SLC2A13: variants seen among roughly 807,000 people sequenced by gnomAD.
SLC2A13 encodes the protein proton myo-inositol cotransporter.
A neutral mutation model predicts 64.4 loss-of-function variants in SLC2A13; 32 were observed. That is an observed-to-expected ratio of 0.50 (90% CI 0.37 to 0.67). The LOEUF (loss-of-function observed/expected upper bound fraction) is 0.67. Among genes scored for constraint, SLC2A13 ranks in the 30% least tolerant of loss-of-function variants. SLC2A13 has a pLI of 0.00. For missense variants in SLC2A13, 743 were observed against 829.2 expected (o/e 0.90, Z 1.28); for synonymous variants, 338 against 327.1 (o/e 1.03, Z -0.36).
chr12:39,850,493 G>A (rs192576460), intron 6 of SLC2A13, among the ~76,000 whole-genome samples: 14 of 152,094 alleles, frequency 9.2e-5, no homozygotes, highest in Non-Finnish European at 2.9e-5. Flanking sequence ...GGATGCTTAG[G>A]TTTCTGAATT....
intron 3 of SLC2A13, among the ~76,000 whole-genome samples, chr12:40,009,602 T>TA (rs1409889327): frequency 6.6e-6 from 1 of 152,112 alleles, no homozygotes; most frequent in Admixed American, 6.5e-5. Flanking sequence ...GCCAATTTTT[T>TA]AAAAAACTTT....
chr12:40,083,132 C>G (rs1338114309), intron 1 of SLC2A13, among the ~76,000 whole-genome samples: 1 of 152,090 alleles, frequency 6.6e-6, no homozygotes, highest in Non-Finnish European at 1.5e-5. Flanking sequence ...TGTGTAGTAC[C>G]TTATGTCACA....
intron 4 of SLC2A13, among the ~76,000 whole-genome samples, chr12:39,883,176 A>C (rs1944386180): frequency 6.6e-6 from 1 of 152,222 alleles, no homozygotes; most frequent in Non-Finnish European, 1.5e-5. Flanking sequence ...AGTAACGCTC[A>C]TAAGAAAGCA....
chr12:39,956,755 T>TTTTA (rs1019379413), intron 3 of SLC2A13, among the ~76,000 whole-genome samples: 1 of 152,172 alleles, frequency 6.6e-6, no homozygotes, highest in Non-Finnish European at 1.5e-5. Context: ...TTTCTTTTTG[T>TTTTA]TTTATTTATT....
chr12:39,974,819 G>A (rs1273362100), intron 3 of SLC2A13, among the ~76,000 whole-genome samples: 1 of 152,112 alleles, frequency 6.6e-6, no homozygotes, highest in Non-Finnish European at 1.5e-5. Flanking sequence ...CCCCTTACAT[G>A]TTTACACCTT....
At chr12:39,779,878 G>T (rs958575435) in intron 7 of SLC2A13, among the ~76,000 whole-genome samples, 1 of 152,202 alleles carries the variant, frequency 6.6e-6, no homozygotes. Flanking sequence ...TCTCTGGCTC[G>T]TGTTTATCTG....
rs931332105 is a variant in SLC2A13, at chr12:40,078,435, A to G, written c.556+26818T>C. Among the ~76,000 whole-genome samples, 5 of 152,004 alleles carry G rather than the reference A, an allele frequency of 3.3e-5. No homozygotes were observed. The South Asian group carries it at 1.0e-3, about 32-fold the overall frequency. On this transcript the variant is annotated intron_variant, in intron 1 of 9. Transcript: ENST00000280871. ...ATGTGGTTTTCAGTTTTATGTGATA[A>G]ATCACATAGATTTCCATATGTTGAA...
intron 6 of SLC2A13, among the ~76,000 whole-genome samples, chr12:39,838,415 G>A (rs1304488463): frequency 9.6e-5 from 14 of 146,050 alleles, no homozygotes; most frequent in African/African-American, 3.6e-4. Context: ...TGGGTGCAGC[G>A]CACCAGCATG....
intron 3 of SLC2A13, among the ~76,000 whole-genome samples, chr12:40,027,249 C>T (rs1231412000): frequency 6.6e-6 from 1 of 152,258 alleles, no homozygotes; most frequent in Admixed American, 6.5e-5. Context: ...TCTCCTTAAT[C>T]TTTGCACTAA....
intron 7 of SLC2A13, among the ~76,000 whole-genome samples, chr12:39,809,143 C>T (rs1459023591): frequency 1.3e-5 from 2 of 152,124 alleles, no homozygotes; most frequent in Non-Finnish European, 2.9e-5. Context: ...AGATAGCCAA[C>T]TGTATTAGGA....
At chr12:39,958,382 C>A (rs1946353691) in intron 3 of SLC2A13, among the ~76,000 whole-genome samples, 1 of 152,198 alleles carries the variant, frequency 6.6e-6, no homozygotes, top group Admixed American at 6.5e-5. Flanking sequence ...CTGTGAGATT[C>A]TGTAAGTCTC....
intron 7 of SLC2A13, among the ~76,000 whole-genome samples, chr12:39,771,789 C>T (rs577233492): frequency 6.6e-6 from 1 of 152,144 alleles, no homozygotes; most frequent in Non-Finnish European, 1.5e-5. Context: ...CTCCTTATTC[C>T]AGCAGTCTAC....
chr12:40,033,037 A>T (rs1947927420), intron 2 of SLC2A13, among the ~76,000 whole-genome samples: 1 of 152,250 alleles, frequency 6.6e-6, no homozygotes, highest in African/African-American at 2.4e-5. Flanking sequence ...ACCGTGTGCC[A>T]AGCACTGTTC....
At chr12:39,907,913 T>C (rs1294918395) in intron 4 of SLC2A13, 1 of 151,620 alleles carries the variant, frequency 6.6e-6, no homozygotes, top group Non-Finnish European at 1.5e-5. Context: ...ACCCATTCTT[T>C]TTCCCGGCAC....
At chr12:39,874,537 C>T (rs1256631076) in intron 4 of SLC2A13, among the ~76,000 whole-genome samples, 1 of 150,430 alleles carries the variant, frequency 6.6e-6, no homozygotes, top group Admixed American at 6.6e-5. Flanking sequence ...ATTGCTTGAA[C>T]CTGGGAGGCG....
At chr12:39,934,467 G>A (rs1202556055) in intron 4 of SLC2A13, among the ~76,000 whole-genome samples, 1 of 152,198 alleles carries the variant, frequency 6.6e-6, no homozygotes, top group East Asian at 1.9e-4. Flanking sequence ...ATCTCCAAGA[G>A]GCAATGCCAT....
intron 4 of SLC2A13, among the ~76,000 whole-genome samples, chr12:39,876,571 A>G (rs538494369): frequency 1.2e-4 from 18 of 152,314 alleles, no homozygotes; most frequent in Admixed American, 1.0e-3. Context: ...TAAATTAAAA[A>G]TTAAAGACTG....
intron 3 of SLC2A13, among the ~76,000 whole-genome samples, chr12:39,977,901 T>C (rs1946792892): frequency 6.6e-6 from 1 of 152,242 alleles, no homozygotes; most frequent in African/African-American, 2.4e-5. Context: ...TTACCAGAGA[T>C]GCCTCCCCTA....
intron 1 of SLC2A13, among the ~76,000 whole-genome samples, chr12:40,070,382 G>C (rs570640620): frequency 3.3e-5 from 5 of 152,118 alleles, no homozygotes; most frequent in Non-Finnish European, 7.4e-5. Context: ...TTTCCATAAA[G>C]GTGTCAGATC....
Sources: allele counts gnomAD v4.1 joint callset (sites outside exome capture counted in the v4.1 genomes callset), GRCh38; gene constraint gnomAD v4.1.1; transcripts MANE v1.5; gene names NCBI Gene and HGNC (gene_info 2026-07-23, HGNC 2026-07-21).